Variants in VKORC1L1 observed in about 807,000 individuals in gnomAD.
VKORC1L1 encodes the protein vitamin K epoxide reductase complex subunit 1-like protein 1.
VKORC1L1 carries 2 observed loss-of-function variants against 18.9 expected under a neutral mutation model. That is an observed-to-expected ratio of 0.11 (90% CI 0.04 to 0.33). VKORC1L1 has a LOEUF of 0.33. Ranked by LOEUF, VKORC1L1 falls within the 10% of genes least tolerant of loss-of-function variation. The pLI is 1.00. For synonymous variants in VKORC1L1, 96 were observed against 100.0 expected, an observed-to-expected ratio of 0.96 and a Z score of 0.24; for missense variants, 123 against 224.1, an observed-to-expected ratio of 0.55 and a Z score of 2.88.
intron 1 of VKORC1L1, among the ~76,000 whole-genome samples, chr7:65,928,098 T>C (rs1166030581): frequency 1.3e-5 from 2 of 152,146 alleles, no homozygotes; most frequent in Non-Finnish European, 2.9e-5. Flanking sequence ...CCAAGAACTA[T>C]TGAATTTTTT....
intron 1 of VKORC1L1, among the ~76,000 whole-genome samples, chr7:65,884,577 C>G (rs1478267213): frequency 6.6e-6 from 1 of 152,138 alleles, no homozygotes; most frequent in African/African-American, 2.4e-5. Context: ...GCAGAAGTTG[C>G]AGTGAGCCGA....
intron 1 of VKORC1L1, among the ~76,000 whole-genome samples, chr7:65,941,187 T>C (rs750274773): frequency 3.9e-5 from 6 of 152,202 alleles, no homozygotes; most frequent in Non-Finnish European, 8.8e-5. Context: ...TCATAGCTCA[T>C]TGCTTGCAGC....
chr7:65,928,112 A>G (rs181256773), intron 1 of VKORC1L1, among the ~76,000 whole-genome samples: 4 of 152,190 alleles, frequency 2.6e-5, no homozygotes, highest in Admixed American at 2.6e-4. Flanking sequence ...ATTTTTTTTT[A>G]ATGGGAAGAA....
chr7:65,918,039 G>T (rs1245919680), intron 1 of VKORC1L1, among the ~76,000 whole-genome samples: 1 of 152,174 alleles, frequency 6.6e-6, no homozygotes, highest in Non-Finnish European at 1.5e-5. Context: ...TCTCGATAGT[G>T]CCACTGTTGA....
intron 1 of VKORC1L1, among the ~76,000 whole-genome samples, chr7:65,887,343 G>A (rs1789033457): frequency 6.6e-6 from 1 of 151,946 alleles, no homozygotes; most frequent in Admixed American, 6.6e-5. Flanking sequence ...ACATAACGTT[G>A]ATATTATGTA....
chr7:65,929,734 T>A (rs1789829180), intron 1 of VKORC1L1, among the ~76,000 whole-genome samples: 1 of 147,540 alleles, frequency 6.8e-6, no homozygotes, highest in Non-Finnish European at 1.5e-5. Flanking sequence ...TTAAAAATTT[T>A]TTTTTGTAGA....
upstream of VKORC1L1, among the ~76,000 whole-genome samples, chr7:65,871,617 T>G (rs1788727018): frequency 6.6e-6 from 1 of 152,246 alleles, no homozygotes; most frequent in South Asian, 2.1e-4. Flanking sequence ...TGTCTCTTCC[T>G]CTTTCTCCTC....
chr7:65,898,839 C>CTTGGCAG, intron 1 of VKORC1L1, among the ~76,000 whole-genome samples: 1 of 152,280 alleles, frequency 6.6e-6, no homozygotes, highest in South Asian at 2.1e-4. Flanking sequence ...TTCCCCTACC[C>CTTGGCAG]TTGGCAGTCA....
chr7:65,952,708 T>G (rs909314507), intron 2 of VKORC1L1, among the ~76,000 whole-genome samples: 6 of 151,730 alleles, frequency 4.0e-5, no homozygotes, highest in African/African-American at 9.7e-5. Context: ...TTCTCTATAC[T>G]GTTGCCTATA....
chr7:65,944,272 C>T (rs575708921), intron 1 of VKORC1L1, among the ~76,000 whole-genome samples: 4 of 151,884 alleles, frequency 2.6e-5, no homozygotes, highest in African/African-American at 9.7e-5. Context: ...AGGAGGCTGA[C>T]ACAGGAGTCT....
At chr7:65,886,407 T>A (rs542743262) in intron 1 of VKORC1L1, among the ~76,000 whole-genome samples, 1 of 152,322 alleles carries the variant, frequency 6.6e-6, no homozygotes, top group South Asian at 2.1e-4. Flanking sequence ...GAAAAATGTT[T>A]CAGGAGGGGT....
chr7:65,919,042 C>T (rs769541189), intron 1 of VKORC1L1, among the ~76,000 whole-genome samples: 2 of 152,118 alleles, frequency 1.3e-5, no homozygotes, highest in Non-Finnish European at 2.9e-5. Flanking sequence ...TTGCAGTGAT[C>T]GCGCCACTGC....
At chr7:65,948,441 G>C (rs1790156918) in intron 1 of VKORC1L1, among the ~76,000 whole-genome samples, 1 of 127,754 alleles carries the variant, frequency 7.8e-6, no homozygotes, top group African/African-American at 3.0e-5. Context: ...GAGAGATTCA[G>C]ATGGGTATAC....
intron 1 of VKORC1L1, among the ~76,000 whole-genome samples, chr7:65,906,799 G>T (rs542889195): frequency 6.6e-6 from 1 of 152,310 alleles, no homozygotes; most frequent in African/African-American, 2.4e-5. Flanking sequence ...TGAGGGGCCA[G>T]CATGGGTTTT....
intron 1 of VKORC1L1, among the ~76,000 whole-genome samples, chr7:65,906,142 T>C (rs1789402299): frequency 6.6e-6 from 1 of 151,494 alleles, no homozygotes; most frequent in Non-Finnish European, 1.5e-5. Context: ...GCTCAATAAA[T>C]TTGTCAAAAA....
intron 1 of VKORC1L1, among the ~76,000 whole-genome samples, chr7:65,879,701 TTCTC>T (rs1174525525): frequency 6.6e-6 from 1 of 151,926 alleles, no homozygotes; most frequent in African/African-American, 2.4e-5. Context: ...TTCCTTTCTT[TTCTC>T]TCTTTCTTTT....
At position 65,921,705 on chromosome 7, in the gene VKORC1L1, G is replaced by A. The variant is rs1257450105; in HGVS notation, c.195-26966G>A. ...CTACTAAAAATACAAAAAATTAGCC[G>A]GGCGTGGTGGCGGGCGCCTGTAGTC... On this transcript the variant is annotated intron_variant, in intron 1 of 2. Coordinates refer to ENST00000360768, the MANE Select transcript of VKORC1L1 (RefSeq NM_173517.6). Among the ~76,000 whole-genome samples, 4 of 152,082 alleles carry A rather than the reference G, an allele frequency of 2.6e-5. No homozygotes were observed. In the South Asian group the frequency reaches 6.2e-4, roughly 24 times the overall value.
chr7:65,920,609 G>C (rs967197939), intron 1 of VKORC1L1, among the ~76,000 whole-genome samples: 2 of 152,184 alleles, frequency 1.3e-5, no homozygotes, highest in Non-Finnish European at 2.9e-5. Flanking sequence ...TTCTTGGCCA[G>C]GTGTCAAAAG....
At chr7:65,875,562 C>T (rs575826291) in intron 1 of VKORC1L1, among the ~76,000 whole-genome samples, 166 of 151,914 alleles carry the variant, frequency 1.1e-3, no homozygotes, top group Middle Eastern at 0.01. Flanking sequence ...GGACTACAGG[C>T]GCCCGCCACA....
Sources: gnomAD v4.1 joint callset for allele counts (sites outside exome capture counted in the v4.1 genomes callset) on GRCh38, gnomAD v4.1.1 for gene constraint, MANE v1.5 for transcripts, NCBI Gene and HGNC (gene_info 2026-07-23, HGNC 2026-07-21) for gene names.